Variants in GSTA4 observed in about 807,000 individuals in gnomAD.
GSTA4 encodes glutathione S-transferase A4.
Under a neutral mutation model 24.4 loss-of-function variants are expected in GSTA4, and 15 were observed. The ratio of observed to expected loss-of-function variants is 0.61; its 90% CI spans 0.41 to 0.95. The LOEUF (loss-of-function observed/expected upper bound fraction) is 0.95. Ranked by LOEUF, GSTA4 falls within the 40% of genes least tolerant of loss-of-function variation. GSTA4 has a pLI of 0.00. For synonymous variants in GSTA4, 92 were observed against 94.2 expected (o/e 0.98, Z 0.13); for missense variants, 244 against 262.1 (o/e 0.93, Z 0.48).
intron 3 of GSTA4, 102 bp downstream of exon 3, chr6:52,987,255 T>C: frequency 1.3e-6 from 1 of 756,164 alleles, no homozygotes; most frequent in Non-Finnish European, 2.3e-6. Flanking sequence ...AGGATACTGT[T>C]CTGAATGTTC....
At chr6:52,979,397 T>C (rs1417911683) in intron 6 of GSTA4, among the ~76,000 whole-genome samples, 1 of 152,244 alleles carries the variant, frequency 6.6e-6, no homozygotes, top group Non-Finnish European at 1.5e-5. Context: ...GTGAATCCTC[T>C]TTCTGGCTAT....
Position 52,985,500 on chromosome 6 carries a change from T to C in GSTA4, c.223A>G (p.Ile75Val). The C allele has an allele frequency of 6.2e-7, 1 of 1,614,090 alleles. No individual in the cohort carries two copies. The highest frequency in any genetic ancestry group is 8.5e-7 in the Non-Finnish European group (1 of 1,179,910). ...CCAAAGAGATTGTGCTTGTCTGCTA[T>C]GTAGTGGAGAATGCTTCGGGTCTGT... ...LVQTRSILHY[I>V]ADKHNLFGKN... is the part of the protein sequence containing the mutation. The change falls in exon 4 of 7, where the codon ATA (isoleucine) becomes GTA (valine). Residue 75 changes from isoleucine to valine, a missense_variant. Physicochemically the swap from Ile to Val is conservative, Grantham distance 29 (BLOSUM62 3). Transcript: ENST00000370963.
chr6:52,978,157 G>A lies in GSTA4; in HGVS notation c.*313C>T. On this transcript the variant is annotated 3_prime_UTR_variant, in exon 7 of 7. Coordinates refer to ENST00000370963, the MANE Select transcript of GSTA4 (RefSeq NM_001512.4). ...CTCAGGAGAGTAGAAAGACACTCAGGAGAGAACAAGAGATCCTGCCCATTC... is the reference window on the plus strand; with the variant it reads ...CTCAGGAGAGTAGAAAGACACTCAGAAGAGAACAAGAGATCCTGCCCATTC... 1 of 288,876 alleles carries A rather than the reference G, an allele frequency of 3.5e-6. No homozygotes were observed. Among genetic ancestry groups the A allele is most frequent in the Non-Finnish European group, 6.4e-6 (1 of 156,970 alleles). The allele number at this position is 288,876 out of a possible 1,614,324, so 17.9% of individuals were successfully genotyped here. A position where few individuals can be genotyped will look rare whatever the true frequency, so the allele number is the denominator to read the frequency against.
chr6:52,993,244 G>T (rs915294099), intron 2 of GSTA4, among the ~76,000 whole-genome samples: 1 of 152,152 alleles, frequency 6.6e-6, no homozygotes, highest in Non-Finnish European at 1.5e-5. Context: ...ATGAGGGACT[G>T]TATTATTTTA....
intron 6 of GSTA4, among the ~76,000 whole-genome samples, chr6:52,981,083 C>A (rs1319826112): frequency 6.6e-6 from 1 of 151,574 alleles, no homozygotes; most frequent in Non-Finnish European, 1.5e-5. Context: ...GAAAGTCAAT[C>A]TCTGTGTCTG....
At position 52,978,384 on chromosome 6, in the gene GSTA4, A is replaced by C; in HGVS notation, c.*86T>G. On this transcript the variant is annotated 3_prime_UTR_variant, in exon 7 of 7. Coordinates refer to ENST00000370963, the MANE Select transcript of GSTA4 (RefSeq NM_001512.4). ...CCCAACTTAATACATAGATAGCACC[A>C]TGACAGAGCTGGGATCCATTAAGAC... 1 of 1,360,340 alleles carries C rather than the reference A, an allele frequency of 7.4e-7. No homozygotes were observed. The allele number at this position is 1,360,340 out of a possible 1,614,324, so 84.3% of individuals were successfully genotyped here.
At chr6:52,993,345 C>A (rs1269132381) in intron 2 of GSTA4, among the ~76,000 whole-genome samples, 2 of 152,048 alleles carry the variant, frequency 1.3e-5, no homozygotes, top group Admixed American at 6.5e-5. Context: ...CCGAAAGAAA[C>A]ATAACCATTT....
intron 2 of GSTA4, chr6:52,987,647 AG>A: frequency 2.3e-6 from 1 of 431,256 alleles, no homozygotes. Flanking sequence ...GGAAGTGTAG[AG>A]AGGAATGGGA....
At chr6:52,988,915 T>A (rs1763613576) in intron 2 of GSTA4, among the ~76,000 whole-genome samples, 1 of 152,146 alleles carries the variant, frequency 6.6e-6, no homozygotes, top group Non-Finnish European at 1.5e-5. Flanking sequence ...GAACAGGAGC[T>A]GGGTAAAATG....
At chr6:52,994,078 G>C (rs1411180567) in intron 2 of GSTA4, 79 bp downstream of exon 2, 5 of 938,294 alleles carry the variant, frequency 5.3e-6, no homozygotes, top group South Asian at 2.6e-5. Flanking sequence ...AGAACTGAAC[G>C]GTGCTTCAAA....
chr6:52,984,384 AC>A (rs1404076939), intron 5 of GSTA4, 79 bp downstream of exon 5: 6 of 1,338,106 alleles, frequency 4.5e-6, no homozygotes, highest in African/African-American at 1.5e-5. Context: ...AAATCCTTGG[AC>A]AGAAAAGGGT....
intron 2 of GSTA4, among the ~76,000 whole-genome samples, chr6:52,990,401 CAA>C (rs574385566): frequency 4.4e-4 from 67 of 152,284 alleles, no homozygotes; most frequent in Non-Finnish European, 4.0e-4. Flanking sequence ...ACTTAGCTGG[CAA>C]AGAGACGGGG....
At chr6:52,985,410 G>A (rs201311142) in intron 4 of GSTA4, 41 bp downstream of exon 4, 7 of 1,588,908 alleles carry the variant, frequency 4.4e-6, no homozygotes, top group Non-Finnish European at 5.2e-6. Flanking sequence ...TAAGGCATCA[G>A]TAAGCTGACA....
chr6:52,989,194 G>C (rs1038272663), intron 2 of GSTA4, among the ~76,000 whole-genome samples: 16 of 152,116 alleles, frequency 1.1e-4, no homozygotes, highest in African/African-American at 3.9e-4. Context: ...ATCTAGAAAG[G>C]GGAGGCATGA....
rs919378102 is a variant in GSTA4 at position 52,982,577 on chromosome 6, G to A, written c.543C>T (p.Leu181=). ...IPNILSAFPF[L]QEYTVKLSNI... is the part of the protein sequence containing the mutation. ...TCTAATACATAGTTTTATTTACCTG[G>A]AGGAAAGGAAATGCAGACAGGATAT... The change falls in exon 6 of 7, where the codon CTC becomes CTT. Residue 181 remains leucine, a synonymous_variant. Coordinates refer to ENST00000370963, the MANE Select transcript of GSTA4 (RefSeq NM_001512.4). The A allele has an allele frequency of 1.9e-6, 3 of 1,608,050 alleles. No individual in the cohort carries two copies. Among genetic ancestry groups the A allele is most frequent in the Non-Finnish European group, 8.5e-7 (1 of 1,176,360 alleles).
intron 3 of GSTA4, among the ~76,000 whole-genome samples, chr6:52,986,770 G>A (rs957288042): frequency 1.3e-5 from 2 of 152,186 alleles, no homozygotes; most frequent in East Asian, 1.9e-4. Context: ...CTGGGCCTGA[G>A]GACCCTGCTG....
chr6:52,988,969 C>T (rs1013452140), intron 2 of GSTA4, among the ~76,000 whole-genome samples: 8 of 152,094 alleles, frequency 5.3e-5, no homozygotes, highest in Non-Finnish European at 8.8e-5. Flanking sequence ...ACAGTTAAGG[C>T]ATTGTAAGCC....
intron 2 of GSTA4, among the ~76,000 whole-genome samples, chr6:52,991,885 T>C (rs1763668481): frequency 6.6e-6 from 1 of 151,530 alleles, no homozygotes; most frequent in South Asian, 2.1e-4. Context: ...GCCTCCTGAG[T>C]AGCTGGGACG....
At chr6:52,994,106 A>C (rs1561988213) in intron 2 of GSTA4, 51 bp downstream of exon 2, 2 of 1,189,856 alleles carry the variant, frequency 1.7e-6, no homozygotes, top group Non-Finnish European at 2.5e-6. Context: ...TTTCTTTCAA[A>C]GGTCTCAAAA....
Sources: gnomAD v4.1 joint callset for allele counts (sites outside exome capture counted in the v4.1 genomes callset) on GRCh38, gnomAD v4.1.1 for gene constraint, MANE v1.5 for transcripts, NCBI Gene and HGNC (gene_info 2026-07-23, HGNC 2026-07-21) for gene names.